SLC24A3: variants seen among roughly 807,000 people sequenced by gnomAD.
SLC24A3 encodes the protein sodium/potassium/calcium exchanger 3.
Under a neutral mutation model 75.8 loss-of-function variants are expected in SLC24A3, and 28 were observed. The observed-to-expected ratio is 0.37, with a 90% CI of 0.27 to 0.51. The LOEUF is 0.51. Among genes scored for constraint, SLC24A3 ranks in the 20% least tolerant of loss-of-function variants. The pLI is 0.94. For synonymous variants in SLC24A3, 372 were observed against 334.1 expected (o/e 1.11, Z -1.24); for missense variants, 663 against 847.8 (o/e 0.78, Z 2.71).
chr20:19,289,208 A>C (rs1487699046), intron 2 of SLC24A3, among the ~76,000 whole-genome samples: 1 of 152,042 alleles, frequency 6.6e-6, no homozygotes, highest in East Asian at 1.9e-4. Context: ...CTGGCACACA[A>C]TCAAAAAAAC....
At chr20:19,437,731 G>A (rs949907292) in intron 2 of SLC24A3, among the ~76,000 whole-genome samples, 1 of 152,178 alleles carries the variant, frequency 6.6e-6, no homozygotes, top group Non-Finnish European at 1.5e-5. Flanking sequence ...ACGTGCCTGA[G>A]GGGAGATGGT....
chr20:19,351,032 CA>C (rs980553934), intron 2 of SLC24A3, among the ~76,000 whole-genome samples: 18 of 152,224 alleles, frequency 1.2e-4, no homozygotes, highest in African/African-American at 3.4e-4. Context: ...CCATTATTGA[CA>C]TTACCTGTCC....
At chr20:19,440,605 G>A (rs1987280357) in intron 2 of SLC24A3, among the ~76,000 whole-genome samples, 1 of 149,706 alleles carries the variant, frequency 6.7e-6, no homozygotes, top group Non-Finnish European at 1.5e-5. Context: ...TTCATTACTT[G>A]GAAAAATCTA....
intron 7 of SLC24A3, among the ~76,000 whole-genome samples, chr20:19,657,533 A>G (rs543562094): frequency 5.9e-5 from 9 of 152,340 alleles, no homozygotes; most frequent in African/African-American, 2.2e-4. Flanking sequence ...TCAGATTCCC[A>G]AAGGAAAGGA....
chr20:19,671,838 G>C (rs1211714238), intron 8 of SLC24A3, among the ~76,000 whole-genome samples: 2 of 151,980 alleles, frequency 1.3e-5, no homozygotes, highest in Non-Finnish European at 2.9e-5. Context: ...AATAGGTCAG[G>C]ATGAGGTCAC....
At chr20:19,301,395 G>C (rs530733549) in intron 2 of SLC24A3, among the ~76,000 whole-genome samples, 171 of 152,254 alleles carry the variant, frequency 1.1e-3, no homozygotes, top group African/African-American at 4.0e-3. Context: ...AACACTCAGA[G>C]ACTTTAAAAA....
At chr20:19,317,412 T>C (rs1984611003) in intron 2 of SLC24A3, among the ~76,000 whole-genome samples, 1 of 152,196 alleles carries the variant, frequency 6.6e-6, no homozygotes, top group South Asian at 2.1e-4. Flanking sequence ...AATTGCCAAG[T>C]GTTACTTTCA....
intron 15 of SLC24A3, among the ~76,000 whole-genome samples, chr20:19,703,316 T>C (rs2145169): frequency 0.71 from 108,655 of 152,062 alleles, 39,325 homozygotes; most frequent in East Asian, 0.94. Flanking sequence ...ATCCACGTTC[T>C]TCCTTGTTTC....
rs950151603 is a variant in SLC24A3 at position 19,599,072 on chromosome 20, T to A, written c.612+13528T>A. ...TCGTTTAATCTTTGTATCAACCCCA[T>A]GGTGTCGGTTCTTCTTTCTTCATTG... On this transcript the variant is annotated intron_variant, in intron 6 of 16. Coordinates refer to ENST00000328041, the MANE Select transcript of SLC24A3 (RefSeq NM_020689.4). Among the ~76,000 whole-genome samples, 7 of 152,258 alleles carry A rather than the reference T, an allele frequency of 4.6e-5. No homozygotes were observed. The East Asian group carries it at 1.4e-3, about 29-fold the overall frequency.
intron 2 of SLC24A3, among the ~76,000 whole-genome samples, chr20:19,505,039 T>C (rs1988442498): frequency 6.6e-6 from 1 of 152,264 alleles, no homozygotes. Flanking sequence ...TTCTAGTTTG[T>C]CAAATTACAT....
chr20:19,252,227 C>T (rs1485697013), intron 1 of SLC24A3, among the ~76,000 whole-genome samples: 1 of 152,120 alleles, frequency 6.6e-6, no homozygotes, highest in African/African-American at 2.4e-5. Flanking sequence ...AAATGTTACC[C>T]CAGACAACCG....
intron 2 of SLC24A3, among the ~76,000 whole-genome samples, chr20:19,322,443 A>G (rs1335859788): frequency 7.3e-6 from 1 of 137,540 alleles, no homozygotes; most frequent in East Asian, 2.1e-4. Flanking sequence ...TCCGTTTTTA[A>G]TCCATTACCT....
Position 19,296,562 on chromosome 20 carries a change from C to T in SLC24A3, c.271+15475C>T, listed in dbSNP as rs767337630. ...CAAGAAGAGCTAACTGTCCTAAATACATATGCACCCAATACAGGAGCACCC... is the reference window on the plus strand; with the variant it reads ...CAAGAAGAGCTAACTGTCCTAAATATATATGCACCCAATACAGGAGCACCC... On this transcript the variant is annotated intron_variant, in intron 2 of 16. Transcript: ENST00000328041. 4.0e-4 allele frequency among the ~76,000 whole-genome samples: 61 copies of T among 152,112 alleles called. 1 individual carries two copies. The highest frequency in any genetic ancestry group is 7.9e-4 in the Non-Finnish European group (54 of 67,990).
chr20:19,642,344 T>G (rs1233485645), intron 6 of SLC24A3, among the ~76,000 whole-genome samples: 1 of 152,208 alleles, frequency 6.6e-6, no homozygotes, highest in Non-Finnish European at 1.5e-5. Context: ...TTCTCATACG[T>G]TTTTGCACGG....
chr20:19,252,194 G>A (rs899780590), intron 1 of SLC24A3, among the ~76,000 whole-genome samples: 2 of 152,186 alleles, frequency 1.3e-5, no homozygotes, highest in Non-Finnish European at 2.9e-5. Context: ...CCTCTTGACA[G>A]AGTGGGCCAT....
chr20:19,351,371 G>A (rs1985561366), intron 2 of SLC24A3, among the ~76,000 whole-genome samples: 1 of 152,174 alleles, frequency 6.6e-6, no homozygotes, highest in African/African-American at 2.4e-5. Context: ...TCGCCTGCCT[G>A]TGGGCTTAGC....
At chr20:19,396,320 C>T (rs980141260) in intron 2 of SLC24A3, among the ~76,000 whole-genome samples, 1 of 152,108 alleles carries the variant, frequency 6.6e-6, no homozygotes, top group Non-Finnish European at 1.5e-5. Context: ...CTAATAGCTA[C>T]ATTAAATAAA....
chr20:19,313,569 T>C (rs1449400012), intron 2 of SLC24A3, among the ~76,000 whole-genome samples: 2 of 152,230 alleles, frequency 1.3e-5, no homozygotes, highest in Non-Finnish European at 2.9e-5. Flanking sequence ...CAGTGGCCCA[T>C]TTCAGCTCTG....
At chr20:19,364,211 G>C (rs1315075134) in intron 2 of SLC24A3, among the ~76,000 whole-genome samples, 1 of 152,068 alleles carries the variant, frequency 6.6e-6, no homozygotes, top group Non-Finnish European at 1.5e-5. Context: ...GTCTCCCAAA[G>C]TAGATGGAGG....
Sources: gnomAD v4.1 joint callset for allele counts (sites outside exome capture counted in the v4.1 genomes callset) on GRCh38, gnomAD v4.1.1 for gene constraint, MANE v1.5 for transcripts, NCBI Gene and HGNC (gene_info 2026-07-23, HGNC 2026-07-21) for gene names.